TNR: variants seen among roughly 807,000 people sequenced by gnomAD.
The protein encoded by TNR is tenascin R, also known as tenascin-R.
TNR carries 45 observed loss-of-function variants against 150.4 expected under a neutral mutation model. The observed-to-expected ratio is 0.30, with a 90% confidence interval of 0.24 to 0.38. The LOEUF (loss-of-function observed/expected upper bound fraction) is 0.38, where lower values mean the gene tolerates loss of function less well. Among genes scored for constraint, TNR ranks in the 10% least tolerant of loss-of-function variants. The pLI is 1.00. For missense variants in TNR, 1,544 were observed against 1,759.1 expected, an observed-to-expected ratio of 0.88 and a Z score of 2.19; for synonymous variants, 687 against 678.4, an observed-to-expected ratio of 1.01 and a Z score of -0.20.
intron 2 of TNR, among the ~76,000 whole-genome samples, chr1:175,456,095 G>A (rs1336692436): frequency 6.6e-6 from 1 of 152,120 alleles, no homozygotes; most frequent in African/African-American, 2.4e-5. Flanking sequence ...TAGCTCACCC[G>A]TGCTCACCCT....
chr1:175,461,537 C>A (rs1255308242), intron 2 of TNR, among the ~76,000 whole-genome samples: 1 of 152,200 alleles, frequency 6.6e-6, no homozygotes, highest in Admixed American at 6.5e-5. Context: ...CTCCAAGGAA[C>A]TTTCCATGAA....
intron 2 of TNR, among the ~76,000 whole-genome samples, chr1:175,468,111 G>A (rs1378120522): frequency 1.3e-5 from 2 of 152,184 alleles, no homozygotes; most frequent in Non-Finnish European, 2.9e-5. Context: ...GGGACAGGGT[G>A]TCTTGATTTC....
chr1:175,515,975 C>A (rs1248119107), intron 2 of TNR, among the ~76,000 whole-genome samples: 9 of 152,152 alleles, frequency 5.9e-5, no homozygotes, highest in African/African-American at 2.2e-4. Context: ...GCAATATGTT[C>A]TTTAAGCTCC....
intron 10 of TNR, 52 bp from the exon 11 acceptor site, chr1:175,366,190 T>C: frequency 1.3e-6 from 2 of 1,527,406 alleles, no homozygotes; most frequent in Non-Finnish European, 1.8e-6. Flanking sequence ...TGGAGGGCAG[T>C]ATTTATTGGC....
At chr1:175,440,431 C>G (rs1381905555) in intron 2 of TNR, among the ~76,000 whole-genome samples, 1 of 151,100 alleles carries the variant, frequency 6.6e-6, no homozygotes, top group Non-Finnish European at 1.5e-5. Context: ...TGCTAAATGA[C>G]GAGTTAATGG....
chr1:175,527,892 T>G (rs1203778491), intron 2 of TNR, among the ~76,000 whole-genome samples: 1 of 152,196 alleles, frequency 6.6e-6, no homozygotes, highest in Non-Finnish European at 1.5e-5. Flanking sequence ...TCCAGAAATT[T>G]TAGAGCGAGA....
intron 20 of TNR, among the ~76,000 whole-genome samples, chr1:175,330,842 A>G (rs1230828268): frequency 1.3e-5 from 2 of 152,130 alleles, no homozygotes; most frequent in East Asian, 3.9e-4. Flanking sequence ...CTACATTTGC[A>G]CTGCTACCTT....
intron 1 of TNR, among the ~76,000 whole-genome samples, chr1:175,528,959 A>G (rs1659954970): frequency 6.6e-6 from 1 of 152,260 alleles, no homozygotes; most frequent in Non-Finnish European, 1.5e-5. Context: ...ACAAAGAAGG[A>G]ATAAATGCAT....
intron 1 of TNR, among the ~76,000 whole-genome samples, chr1:175,698,063 C>A (rs72727611): frequency 0.045 from 6,916 of 152,332 alleles, 207 homozygotes; most frequent in African/African-American, 0.066. Flanking sequence ...CTGTGTTTCT[C>A]TCATTAGCTG....
chr1:175,420,730 C>T (rs113838660), intron 2 of TNR, among the ~76,000 whole-genome samples: 2 of 152,216 alleles, frequency 1.3e-5, no homozygotes, highest in African/African-American at 4.8e-5. Flanking sequence ...GTAAGGTGGG[C>T]GTATTGCTCC....
rs560209259 is a variant in TNR at position 175,471,536 on chromosome 1, T to C, written c.-64+56733A>G. On this transcript the variant is annotated intron_variant, in intron 2 of 22. Coordinates refer to ENST00000367674, the MANE Select transcript of TNR (RefSeq NM_003285.3). ...TGTAACATGATGGTAAATATTTGTG[T>C]CTCTAAACATAGAAGAGGTACACTA... Among the ~76,000 whole-genome samples the C allele has an allele frequency of 2.6e-5, 4 of 152,290 alleles. No homozygotes were observed. In the East Asian group the frequency reaches 7.7e-4, roughly 29 times the overall value.
chr1:175,356,801 G>T lies in TNR; in HGVS notation c.2975-339C>A, dbSNP rs144807206. Among the ~76,000 whole-genome samples the T allele has an allele frequency of 2.9e-3, 437 of 152,244 alleles. 7 individuals carry two copies. The highest frequency in any genetic ancestry group is 9.6e-3 in the African/African-American group (397 of 41,546). On this transcript the variant is annotated intron_variant, in intron 15 of 22. Coordinates refer to ENST00000367674, the MANE Select transcript of TNR (RefSeq NM_003285.3). ...TCAAGTTCTCTCTCCACTAGACTGA[G>T]AAAATTCAGCCCCCACTTCCCATCA...
intron 1 of TNR, among the ~76,000 whole-genome samples, chr1:175,627,163 A>G (rs1371842771): frequency 6.6e-6 from 1 of 152,250 alleles, no homozygotes; most frequent in Non-Finnish European, 1.5e-5. Context: ...AACTAACAGT[A>G]TTGCTGCCTC....
intron 1 of TNR, among the ~76,000 whole-genome samples, chr1:175,533,200 G>T (rs1172222402): frequency 6.6e-6 from 1 of 152,206 alleles, no homozygotes. Context: ...ACTTGGAAAG[G>T]AATTTACTGA....
chr1:175,404,201 C>T (rs932845251), intron 3 of TNR, among the ~76,000 whole-genome samples: 2 of 152,104 alleles, frequency 1.3e-5, no homozygotes, highest in African/African-American at 2.4e-5. Flanking sequence ...ACCAGGATGC[C>T]CAGGTGCTGG....
At chr1:175,609,542 A>G (rs1331383815) in intron 1 of TNR, among the ~76,000 whole-genome samples, 1 of 152,174 alleles carries the variant, frequency 6.6e-6, no homozygotes, top group Non-Finnish European at 1.5e-5. Flanking sequence ...TAGTGGTGTC[A>G]TCTGAGGTGA....
At position 175,743,550 on chromosome 1, in the gene TNR, G is replaced by A. The variant is rs1218717241; in HGVS notation, c.-489C>T. ...CCCTGGGTCTGCCCGTCTCCTCTGG[G>A]TGTTGAGCCAACAGCCTTAGCACAG... On this transcript the variant is annotated 5_prime_UTR_variant, in exon 1 of 23. Coordinates refer to ENST00000367674, the MANE Select transcript of TNR (RefSeq NM_003285.3). 1.3e-5 allele frequency: 2 copies of A among 152,200 alleles called. No individual in the cohort carries two copies. The highest frequency in any genetic ancestry group is 1.3e-4 in the Admixed American group (2 of 15,256). The allele number at this position is 152,200 out of a possible 1,614,324, so 9.4% of individuals were successfully genotyped here. A position where few individuals can be genotyped will look rare whatever the true frequency, so the allele number is the denominator to read the frequency against.
intron 1 of TNR, among the ~76,000 whole-genome samples, chr1:175,718,425 C>T (rs1371409195): frequency 2.6e-5 from 4 of 152,190 alleles, no homozygotes; most frequent in Admixed American, 6.5e-5. Context: ...CCTATTCATC[C>T]CCTGAAACCC....
At chr1:175,492,798 A>G (rs1028716447) in intron 2 of TNR, among the ~76,000 whole-genome samples, 25 of 152,178 alleles carry the variant, frequency 1.6e-4, no homozygotes, top group Admixed American at 1.3e-3. Flanking sequence ...AGTGATTAGT[A>G]CATGGGGTTC....
Sources: gnomAD v4.1 joint callset for allele counts (sites outside exome capture counted in the v4.1 genomes callset) on GRCh38, gnomAD v4.1.1 for gene constraint, MANE v1.5 for transcripts, NCBI Gene and HGNC (gene_info 2026-07-23, HGNC 2026-07-21) for gene names.